Variants in ADGRB3 observed in about 807,000 individuals in gnomAD.
ADGRB3 encodes adhesion G protein-coupled receptor B3.
In ADGRB3, 37 loss-of-function variants were observed where a neutral mutation model predicts 193.4. That is an observed-to-expected ratio of 0.19 (90% CI 0.15 to 0.25). The LOEUF is 0.25. Among genes scored for constraint, ADGRB3 ranks in the 10% least tolerant of loss-of-function variants. The pLI, the probability that ADGRB3 is intolerant of heterozygous loss-of-function variation, is 1.00. For missense variants in ADGRB3, 1,637 were observed against 1,852.9 expected, an observed-to-expected ratio of 0.88 and a Z score of 2.14; for synonymous variants, 690 against 644.2, an observed-to-expected ratio of 1.07 and a Z score of -1.08.
intron 3 of ADGRB3, among the ~76,000 whole-genome samples, chr6:68,778,694 C>T (rs1300661890): frequency 3.9e-5 from 6 of 152,082 alleles, no homozygotes; most frequent in Admixed American, 3.3e-4. Context: ...AGCCAACCTG[C>T]GTGTTTGTCA....
intron 10 of ADGRB3, among the ~76,000 whole-genome samples, chr6:68,976,028 T>C (rs993257029): frequency 2.6e-5 from 4 of 152,164 alleles, no homozygotes; most frequent in African/African-American, 9.7e-5. Flanking sequence ...CCTCCATACA[T>C]GAATAAACAC....
intron 30 of ADGRB3, among the ~76,000 whole-genome samples, chr6:69,378,496 ATGGCTTTACCTCCCAG>A (rs1165548653): frequency 2.2e-4 from 33 of 152,062 alleles, no homozygotes; most frequent in Non-Finnish European, 4.7e-4. Context: ...AGTGGAGATA[ATGGCTTTACCTCCCAG>A]GGTTATTGTG....
intron 17 of ADGRB3, among the ~76,000 whole-genome samples, chr6:69,124,580 A>C (rs1773805728): frequency 6.6e-6 from 1 of 152,212 alleles, no homozygotes; most frequent in Non-Finnish European, 1.5e-5. Flanking sequence ...AAATTAATGT[A>C]GGCTATCTTT....
intron 26 of ADGRB3, among the ~76,000 whole-genome samples, chr6:69,344,940 A>T (rs1389120485): frequency 2.6e-5 from 4 of 151,808 alleles, no homozygotes; most frequent in Non-Finnish European, 5.9e-5. Flanking sequence ...CTTCTCTGGG[A>T]CCATATGAAG....
At chr6:68,690,702 C>T (rs1249632882) in intron 3 of ADGRB3, among the ~76,000 whole-genome samples, 1 of 152,046 alleles carries the variant, frequency 6.6e-6, no homozygotes, top group African/African-American at 2.4e-5. Flanking sequence ...AAAACCTCAG[C>T]CATAAGAGAT....
At chr6:69,281,819 G>A (rs1258570589) in intron 20 of ADGRB3, among the ~76,000 whole-genome samples, 1 of 152,106 alleles carries the variant, frequency 6.6e-6, no homozygotes, top group Non-Finnish European at 1.5e-5. Flanking sequence ...GCTATGACAA[G>A]GAATTAAGTA....
intron 3 of ADGRB3, among the ~76,000 whole-genome samples, chr6:68,783,270 C>G (rs1766893837): frequency 6.8e-6 from 1 of 147,916 alleles, no homozygotes; most frequent in African/African-American, 2.5e-5. Flanking sequence ...GCTCCTAACA[C>G]TGCCCTATAT....
chr6:69,137,368 TG>T (rs1418654188), intron 17 of ADGRB3, among the ~76,000 whole-genome samples: 1 of 152,060 alleles, frequency 6.6e-6, no homozygotes, highest in Non-Finnish European at 1.5e-5. Context: ...ACATTTTCTG[TG>T]TTTTTTTTTT....
chr6:68,726,456 G>C (rs1381613442), intron 3 of ADGRB3, among the ~76,000 whole-genome samples: 1 of 151,586 alleles, frequency 6.6e-6, no homozygotes, highest in Non-Finnish European at 1.5e-5. Context: ...TTTCTATGCA[G>C]AGAAAAACAA....
At chr6:69,168,901 AC>A (rs1160241349) in intron 17 of ADGRB3, among the ~76,000 whole-genome samples, 2 of 152,098 alleles carry the variant, frequency 1.3e-5, no homozygotes, top group African/African-American at 4.8e-5. Context: ...ATAAAAGTAA[AC>A]ATCTCATAAA....
intron 12 of ADGRB3, 140 bp from the exon 13 acceptor site, chr6:69,018,251 T>TA (rs1298498816): frequency 7.9e-6 from 4 of 503,718 alleles, no homozygotes; most frequent in South Asian, 7.9e-5. Context: ...ATTTAAAAAA[T>TA]ACAGCTATTG....
chr6:69,195,415 C>T (rs917007967), intron 17 of ADGRB3, among the ~76,000 whole-genome samples: 1 of 150,308 alleles, frequency 6.7e-6, no homozygotes, highest in Non-Finnish European at 1.5e-5. Flanking sequence ...GTCCCAGATA[C>T]TTGGGAGGCT....
intron 30 of ADGRB3, among the ~76,000 whole-genome samples, chr6:69,374,909 G>A (rs1052947714): frequency 2.6e-5 from 4 of 152,058 alleles, no homozygotes; most frequent in East Asian, 3.9e-4. Context: ...TGGAAGAGAC[G>A]TTTCAAAGAT....
At chr6:68,902,683 GA>G (rs1214523102) in intron 3 of ADGRB3, among the ~76,000 whole-genome samples, 2 of 151,812 alleles carry the variant, frequency 1.3e-5, no homozygotes, top group South Asian at 2.1e-4. Context: ...CTATAAAAGT[GA>G]AAAAAATACA....
intron 11 of ADGRB3, among the ~76,000 whole-genome samples, chr6:69,006,778 G>A (rs936421351): frequency 6.6e-6 from 1 of 151,916 alleles, no homozygotes; most frequent in East Asian, 1.9e-4. Flanking sequence ...AAAGTGCTGG[G>A]ATGTAAAATT....
chr6:69,144,419 A>T (rs1233614761), intron 17 of ADGRB3, among the ~76,000 whole-genome samples: 1 of 152,112 alleles, frequency 6.6e-6, no homozygotes, highest in African/African-American at 2.4e-5. Context: ...TTGTTTGATT[A>T]CACTAGCTAG....
chr6:69,145,672 A>T (rs1250310003), intron 17 of ADGRB3, among the ~76,000 whole-genome samples: 1 of 151,612 alleles, frequency 6.6e-6, no homozygotes, highest in Non-Finnish European at 1.5e-5. Context: ...TTATTGAGTG[A>T]TAGAGCAGCT....
intron 11 of ADGRB3, 23 bp from the exon 12 acceptor site, chr6:69,014,015 C>T (rs776951554): frequency 2.8e-6 from 4 of 1,451,938 alleles, no homozygotes; most frequent in East Asian, 2.4e-5. Context: ...AATATTAAAT[C>T]TTTTATCTAA....
rs531625045 is a variant in ADGRB3, at chr6:68,780,628, C to T, written c.757+141196C>T. 2.6e-5 allele frequency among the ~76,000 whole-genome samples: 4 copies of T among 152,196 alleles called. No individual in the cohort carries two copies. In the South Asian group the frequency reaches 8.3e-4, roughly 32 times the overall value. On this transcript the variant is annotated intron_variant, in intron 3 of 31. Coordinates refer to ENST00000370598, the MANE Select transcript of ADGRB3 (RefSeq NM_001704.3). Reference sequence around the variant, plus strand: ...TTTCACGTAGACAGTCCTTACGAGGCTATAAACTTTGTACTTCAACTTCTT... The same window carrying T: ...TTTCACGTAGACAGTCCTTACGAGGTTATAAACTTTGTACTTCAACTTCTT...
Sources: gnomAD v4.1 joint callset for allele counts (sites outside exome capture counted in the v4.1 genomes callset) on GRCh38, gnomAD v4.1.1 for gene constraint, MANE v1.5 for transcripts, NCBI Gene and HGNC (gene_info 2026-07-23, HGNC 2026-07-21) for gene names.